SYT1: variants seen among roughly 807,000 people sequenced by gnomAD.
SYT1 encodes synaptotagmin 1.
SYT1 carries 8 observed loss-of-function variants against 44.8 expected under a neutral mutation model. The observed-to-expected ratio is 0.18, with a 90% CI of 0.10 to 0.32. The LOEUF (loss-of-function observed/expected upper bound fraction) is 0.32, where lower values mean the gene tolerates loss of function less well. Among genes scored for constraint, SYT1 ranks in the 10% least tolerant of loss-of-function variants. The probability of loss-of-function intolerance (pLI) is 1.00; values close to 1 mark genes in which losing one functional copy is unlikely to be tolerated. For synonymous variants in SYT1, 154 were observed against 188.8 expected, an observed-to-expected ratio of 0.82 and a Z score of 1.51; for missense variants, 286 against 509.3, an observed-to-expected ratio of 0.56 and a Z score of 4.22.
intron 8 of SYT1, among the ~76,000 whole-genome samples, chr12:79,316,101 A>G (rs141986306): frequency 6.6e-6 from 1 of 152,342 alleles, no homozygotes; most frequent in African/African-American, 2.4e-5. Flanking sequence ...AACGCTATAC[A>G]CAGTGTAACA....
intron 2 of SYT1, among the ~76,000 whole-genome samples, chr12:79,022,566 A>G (rs541229393): frequency 1.3e-5 from 2 of 151,950 alleles, no homozygotes; most frequent in Admixed American, 6.6e-5. Flanking sequence ...TGCAGATACA[A>G]AAAATAATGT....
chr12:78,944,280 T>C (rs1415136627), intron 1 of SYT1, among the ~76,000 whole-genome samples: 1 of 129,080 alleles, frequency 7.7e-6, no homozygotes, highest in East Asian at 2.9e-4. Flanking sequence ...ACAGCAGTGG[T>C]GATAATGTTA....
chr12:79,202,327 A>G (rs1381376836), intron 3 of SYT1, among the ~76,000 whole-genome samples: 1 of 152,172 alleles, frequency 6.6e-6, no homozygotes, highest in Non-Finnish European at 1.5e-5. Flanking sequence ...TCATGTTCCA[A>G]TGTGAGATGG....
At chr12:79,238,245 G>A (rs186035846) in intron 4 of SYT1, among the ~76,000 whole-genome samples, 18 of 152,114 alleles carry the variant, frequency 1.2e-4, no homozygotes, top group African/African-American at 3.9e-4. Flanking sequence ...TCCTAAGCAG[G>A]TTTTATGCTG....
At chr12:79,065,522 T>G (rs1361092078) in intron 3 of SYT1, among the ~76,000 whole-genome samples, 1 of 152,190 alleles carries the variant, frequency 6.6e-6, no homozygotes, top group Admixed American at 6.6e-5. Flanking sequence ...TATTCTCATT[T>G]TCTTCCTCTC....
chr12:79,419,595 T>C (rs1254706146), intron 9 of SYT1, among the ~76,000 whole-genome samples: 2 of 152,178 alleles, frequency 1.3e-5, no homozygotes, highest in African/African-American at 4.8e-5. Context: ...ACATTTTAGT[T>C]GAATCTGACT....
At chr12:79,032,909 G>C (rs1470419910) in intron 2 of SYT1, among the ~76,000 whole-genome samples, 2 of 151,212 alleles carry the variant, frequency 1.3e-5, no homozygotes, top group Non-Finnish European at 3.0e-5. Context: ...GAAATCACTT[G>C]CTATAGTATA....
rs552960804 is a variant in SYT1 at position 78,936,963 on chromosome 12, C to T, written c.-216-40836C>T. ...GACAGGGGAATAGGAGCTCTATCTT[C>T]CTTAATGATGACATTTCAAAAGGAT... On this transcript the variant is annotated intron_variant, in intron 1 of 10. Coordinates refer to ENST00000261205, the MANE Select transcript of SYT1 (RefSeq NM_005639.3). 3.3e-5 allele frequency among the ~76,000 whole-genome samples: 5 copies of T among 152,274 alleles called. No homozygotes were observed. The South Asian group carries it at 1.0e-3, about 32-fold the overall frequency.
At chr12:79,133,073 G>A (rs577709806) in intron 3 of SYT1, among the ~76,000 whole-genome samples, 11 of 152,288 alleles carry the variant, frequency 7.2e-5, no homozygotes, top group African/African-American at 2.6e-4. Flanking sequence ...TAGAATGATA[G>A]TTACTAGAGG....
chr12:78,870,110 C>T (rs936361982), intron 1 of SYT1, among the ~76,000 whole-genome samples: 6 of 152,028 alleles, frequency 3.9e-5, no homozygotes, highest in African/African-American at 7.2e-5. Flanking sequence ...TGTAAGAATT[C>T]GGTGAAACTA....
chr12:79,078,206 A>G (rs951592216), intron 3 of SYT1, among the ~76,000 whole-genome samples: 1 of 152,148 alleles, frequency 6.6e-6, no homozygotes, highest in Non-Finnish European at 1.5e-5. Flanking sequence ...ATGTTGGGGA[A>G]GAAGCAAGTT....
chr12:79,142,757 T>C (rs937347004), intron 3 of SYT1, among the ~76,000 whole-genome samples: 2 of 152,224 alleles, frequency 1.3e-5, no homozygotes, highest in African/African-American at 4.8e-5. Flanking sequence ...TTTTAATCAC[T>C]GGAGAACCAG....
chr12:78,892,223 A>C (rs1290012497), intron 1 of SYT1, among the ~76,000 whole-genome samples: 1 of 151,828 alleles, frequency 6.6e-6, no homozygotes, highest in Non-Finnish European at 1.5e-5. Flanking sequence ...TCTTGGATTC[A>C]CTAATATGGA....
chr12:78,931,288 AAG>A (rs1877685439), intron 1 of SYT1, among the ~76,000 whole-genome samples: 1 of 95,270 alleles, frequency 1.0e-5, no homozygotes, highest in East Asian at 4.0e-4. Context: ...GGAAGGAAGG[AAG>A]GAAGGAAGGA....
chr12:79,048,264 A>G (rs1402201881), intron 3 of SYT1, among the ~76,000 whole-genome samples: 3 of 151,870 alleles, frequency 2.0e-5, no homozygotes, highest in African/African-American at 7.2e-5. Flanking sequence ...ATGGAAAAAA[A>G]TGTAAGTTTG....
intron 1 of SYT1, among the ~76,000 whole-genome samples, chr12:78,879,768 A>T (rs1187691181): frequency 1.3e-5 from 2 of 151,760 alleles, no homozygotes; most frequent in Non-Finnish European, 2.9e-5. Flanking sequence ...TCCATGCATT[A>T]TCTGGCCCTA....
chr12:78,961,384 C>T (rs1879494682), intron 1 of SYT1, among the ~76,000 whole-genome samples: 1 of 152,132 alleles, frequency 6.6e-6, no homozygotes, highest in African/African-American at 2.4e-5. Context: ...GCTGGGACTA[C>T]AGGTACCAGC....
chr12:79,036,133 C>T (rs191151281), intron 2 of SYT1, among the ~76,000 whole-genome samples: 3 of 151,670 alleles, frequency 2.0e-5, no homozygotes, highest in African/African-American at 7.3e-5. Context: ...ATTTTAAGTA[C>T]CAGCTTATTA....
intron 2 of SYT1, among the ~76,000 whole-genome samples, chr12:79,021,176 C>T (rs373974764): frequency 6.6e-6 from 1 of 151,902 alleles, no homozygotes; most frequent in African/African-American, 2.4e-5. Flanking sequence ...CTTAGATATA[C>T]CATTTTGTAT....
Sources: gnomAD v4.1 joint callset for allele counts (sites outside exome capture counted in the v4.1 genomes callset) on GRCh38, gnomAD v4.1.1 for gene constraint, MANE v1.5 for transcripts, NCBI Gene and HGNC (gene_info 2026-07-23, HGNC 2026-07-21) for gene names.